The following PABPC4L variants were observed in gnomAD, a reference collection of about 807,000 sequenced individuals.
PABPC4L encodes the protein polyadenylate-binding protein 4-like.
For missense variants in PABPC4L, 452 were observed against 451.4 expected (o/e 1.00, Z -0.01); for synonymous variants, 169 against 164.1 (o/e 1.03, Z -0.23).
chr4:134,195,981 T>C (rs1257543593), downstream of PABPC4L, among the ~76,000 whole-genome samples: 1 of 151,502 alleles, frequency 6.6e-6, no homozygotes, highest in Non-Finnish European at 1.5e-5. Context: ...TCTATTGTTT[T>C]ATTATATATA....
the PABPC4L span, among the ~76,000 whole-genome samples, chr4:133,973,638 A>G: frequency 6.6e-6 from 1 of 152,160 alleles, no homozygotes; most frequent in African/African-American, 2.4e-5. Flanking sequence ...GGAGATCCCA[A>G]AACTCCACAT....
the PABPC4L span, among the ~76,000 whole-genome samples, chr4:133,997,286 C>A: frequency 6.6e-6 from 1 of 152,082 alleles, no homozygotes; most frequent in East Asian, 1.9e-4. Flanking sequence ...GCCAAGACAG[C>A]AGAAGCTAGG....
the PABPC4L span, among the ~76,000 whole-genome samples, chr4:134,111,696 T>G: frequency 6.6e-6 from 1 of 151,926 alleles, no homozygotes; most frequent in African/African-American, 2.4e-5. Context: ...TCTCATGAGA[T>G]CCGATGGGTT....
At chr4:134,047,665 G>C in the PABPC4L span, among the ~76,000 whole-genome samples, 3 of 152,048 alleles carry the variant, frequency 2.0e-5, no homozygotes, top group Non-Finnish European at 4.4e-5. Flanking sequence ...CATAGCCCTG[G>C]GTAGGAAGGG....
chr4:134,088,162 A>C, the PABPC4L span, among the ~76,000 whole-genome samples: 2 of 151,922 alleles, frequency 1.3e-5, no homozygotes, highest in African/African-American at 4.8e-5. Context: ...CTGTATCCTA[A>C]AAATTAGAAT....
the PABPC4L span, among the ~76,000 whole-genome samples, chr4:134,189,858 C>A: frequency 1.3e-5 from 2 of 152,044 alleles, no homozygotes; most frequent in Non-Finnish European, 2.9e-5. Flanking sequence ...CAAGGTCTAA[C>A]AAAACCCCCT....
the PABPC4L span, among the ~76,000 whole-genome samples, chr4:134,154,626 G>T: frequency 6.6e-6 from 1 of 151,650 alleles, no homozygotes; most frequent in African/African-American, 2.4e-5. Flanking sequence ...ACATTTGGCT[G>T]GTAAGATTTT....
At chr4:133,996,724 G>A in the PABPC4L span, among the ~76,000 whole-genome samples, 14,493 of 152,150 alleles carry the variant, frequency 0.095, 817 homozygotes, top group Admixed American at 0.19. Flanking sequence ...TATTTTGCCT[G>A]ACAGCCCAGG....
the PABPC4L span, among the ~76,000 whole-genome samples, chr4:134,157,570 A>T: frequency 2.6e-5 from 4 of 151,928 alleles, no homozygotes; most frequent in African/African-American, 9.6e-5. Flanking sequence ...TACTATTGGC[A>T]TAAAAATTAA....
the PABPC4L span, among the ~76,000 whole-genome samples, chr4:133,994,357 C>T: frequency 2.0e-5 from 3 of 152,118 alleles, no homozygotes; most frequent in Admixed American, 6.5e-5. Context: ...ATAACAGTGG[C>T]CATTATTAGA....
At chr4:133,950,655 C>T in the PABPC4L span, among the ~76,000 whole-genome samples, 1 of 152,122 alleles carries the variant, frequency 6.6e-6, no homozygotes, top group African/African-American at 2.4e-5. Context: ...TCCTCTTTCC[C>T]CTGTTTGGAA....
the PABPC4L span, among the ~76,000 whole-genome samples, chr4:134,150,251 T>A: frequency 1.3e-5 from 2 of 151,842 alleles, no homozygotes; most frequent in Non-Finnish European, 2.9e-5. Flanking sequence ...GCTCGGCTAA[T>A]TTTTGTATTT....
the PABPC4L span, among the ~76,000 whole-genome samples, chr4:133,987,121 TTTG>T: frequency 2.0e-5 from 3 of 152,154 alleles, no homozygotes; most frequent in Admixed American, 6.6e-5. Context: ...AAAGGTTAGT[TTTG>T]TTGTTGTTGT....
At chr4:134,005,282 G>T in the PABPC4L span, among the ~76,000 whole-genome samples, 18 of 151,892 alleles carry the variant, frequency 1.2e-4, no homozygotes, top group African/African-American at 4.1e-4. Context: ...CTAACCTAGT[G>T]ATGGAGGAAA....
At position 134,196,401 on chromosome 4, in the gene PABPC4L, GA is replaced by G. The variant is rs1729657529; in HGVS notation, c.*3505del. 6.6e-6 allele frequency: 1 copy of G among 151,454 alleles called. No homozygotes were observed. The highest frequency in any genetic ancestry group is 1.5e-5 in the Non-Finnish European group (1 of 67,610). 9.4% of individuals were successfully genotyped at this position (151,454 alleles called of 1,614,324 possible). On this transcript the variant is annotated 3_prime_UTR_variant, in exon 2 of 2. Coordinates refer to ENST00000421491, the MANE Select transcript of PABPC4L (RefSeq NM_001114734.2). ...GGATCTATAACAATATTGAGAACAT[GA>G]AAATGACAATATTAAATCACTTTAA...
the PABPC4L span, among the ~76,000 whole-genome samples, chr4:134,074,086 T>A: frequency 6.6e-6 from 1 of 152,220 alleles, no homozygotes; most frequent in African/African-American, 2.4e-5. Flanking sequence ...CCAGCTTGAA[T>A]TTCTTTCCAG....
chr4:133,988,164 G>A, the PABPC4L span, among the ~76,000 whole-genome samples: 3 of 152,142 alleles, frequency 2.0e-5, no homozygotes, highest in Non-Finnish European at 4.4e-5. Context: ...TGGAGACACA[G>A]CCAAACCATA....
chr4:134,161,582 A>C, the PABPC4L span, among the ~76,000 whole-genome samples: 1 of 152,154 alleles, frequency 6.6e-6, no homozygotes, highest in Non-Finnish European at 1.5e-5. Context: ...TTATCCTTCA[A>C]ACATGAAGTA....
chr4:134,148,178 T>C, the PABPC4L span, among the ~76,000 whole-genome samples: 1 of 145,540 alleles, frequency 6.9e-6, no homozygotes, highest in Non-Finnish European at 1.5e-5. Context: ...TTAGCCATAA[T>C]TTACTGAACC....
Sources: allele counts gnomAD v4.1 joint callset (sites outside exome capture counted in the v4.1 genomes callset), GRCh38; gene constraint gnomAD v4.1.1; transcripts MANE v1.5; gene names NCBI Gene and HGNC (gene_info 2026-07-23, HGNC 2026-07-21).